Variants in LRP1B observed in about 807,000 individuals in gnomAD.
LRP1B encodes LDL receptor related protein 1B.
Under a neutral mutation model 556.6 loss-of-function variants are expected in LRP1B, and 217 were observed. The ratio of observed to expected loss-of-function variants is 0.39; its 90% CI spans 0.35 to 0.44. The LOEUF is 0.44. LRP1B is among the 20% of genes least tolerant of loss of function. LRP1B has a pLI of 1.00. For missense variants in LRP1B, 5,053 were observed against 5,620.8 expected (o/e 0.90, Z 3.23); for synonymous variants, 2,047 against 1,865.8 (o/e 1.10, Z -2.50).
intron 2 of LRP1B, among the ~76,000 whole-genome samples, chr2:141,781,105 C>T (rs1695237507): frequency 6.6e-6 from 1 of 152,092 alleles, no homozygotes; most frequent in South Asian, 2.1e-4. Flanking sequence ...AAATCTATTT[C>T]TGCCTATTTC....
At chr2:140,725,521 A>C (rs1574285842) in intron 35 of LRP1B, among the ~76,000 whole-genome samples, 1 of 119,188 alleles carries the variant, frequency 8.4e-6, no homozygotes, top group Non-Finnish European at 1.6e-5. Flanking sequence ...AACATCACAC[A>C]CCGGGGCCTG....
intron 14 of LRP1B, among the ~76,000 whole-genome samples, chr2:141,006,047 G>A (rs1415959886): frequency 6.6e-6 from 1 of 151,928 alleles, no homozygotes; most frequent in Non-Finnish European, 1.5e-5. Context: ...CACTAACGAG[G>A]TATACAACAG....
At chr2:141,970,335 G>T (rs932445751) in intron 1 of LRP1B, among the ~76,000 whole-genome samples, 46 of 151,486 alleles carry the variant, frequency 3.0e-4, no homozygotes, top group African/African-American at 1.0e-3. Flanking sequence ...TTTAGATCAA[G>T]AATGTGGTAA....
intron 41 of LRP1B, among the ~76,000 whole-genome samples, chr2:140,650,598 C>G (rs1559031885): frequency 6.6e-6 from 1 of 152,126 alleles, no homozygotes; most frequent in Non-Finnish European, 1.5e-5. Context: ...ATCTGCCTGC[C>G]TTGGCCTCCC....
At chr2:142,036,050 A>C (rs749290969) in intron 1 of LRP1B, among the ~76,000 whole-genome samples, 24 of 151,802 alleles carry the variant, frequency 1.6e-4, no homozygotes, top group Middle Eastern at 3.4e-3. Context: ...CCACATGGAA[A>C]TGTAAATCCA....
intron 3 of LRP1B, among the ~76,000 whole-genome samples, chr2:141,307,111 C>T (rs1332576807): frequency 1.3e-5 from 2 of 151,782 alleles, no homozygotes; most frequent in Non-Finnish European, 2.9e-5. Context: ...TAAATATCTG[C>T]TAGGTCCATT....
At chr2:141,687,299 C>T (rs1691349238) in intron 2 of LRP1B, among the ~76,000 whole-genome samples, 1 of 151,900 alleles carries the variant, frequency 6.6e-6, no homozygotes, top group Admixed American at 6.6e-5. Flanking sequence ...AGGTTATTTA[C>T]TCTTAGTGAA....
chr2:140,790,959 T>A (rs895816512), intron 32 of LRP1B, among the ~76,000 whole-genome samples: 15 of 125,420 alleles, frequency 1.2e-4, no homozygotes, highest in South Asian at 2.6e-4. Context: ...TTTTTTTTTT[T>A]AATTATCTGG....
intron 1 of LRP1B, among the ~76,000 whole-genome samples, chr2:142,045,771 G>A (rs986444403): frequency 2.6e-5 from 4 of 151,878 alleles, no homozygotes; most frequent in Non-Finnish European, 2.9e-5. Flanking sequence ...CAGGTTTTCC[G>A]AGAAGTTCAG....
intron 7 of LRP1B, among the ~76,000 whole-genome samples, chr2:141,173,571 G>C (rs965693737): frequency 1.1e-4 from 17 of 152,064 alleles, no homozygotes; most frequent in African/African-American, 4.1e-4. Flanking sequence ...TCAGACTTAA[G>C]TGATATAGAT....
At chr2:142,098,575 A>G (rs1279413721) in intron 1 of LRP1B, among the ~76,000 whole-genome samples, 1 of 151,886 alleles carries the variant, frequency 6.6e-6, no homozygotes, top group East Asian at 1.9e-4. Context: ...TTCATTGCAA[A>G]ACAAAATATA....
chr2:141,351,401 G>A (rs1023385308), intron 3 of LRP1B, among the ~76,000 whole-genome samples: 6 of 151,728 alleles, frequency 4.0e-5, no homozygotes, highest in Admixed American at 1.3e-4. Context: ...TGTTACTTTC[G>A]TTTTTCTCTT....
At chr2:140,565,053 A>G (rs569266375) in intron 43 of LRP1B, among the ~76,000 whole-genome samples, 1 of 146,442 alleles carries the variant, frequency 6.8e-6, no homozygotes, top group East Asian at 2.1e-4. Flanking sequence ...AAATGGAAGC[A>G]CACTGAGAAA....
intron 41 of LRP1B, among the ~76,000 whole-genome samples, chr2:140,607,779 T>C (rs1682925030): frequency 6.6e-6 from 1 of 152,044 alleles, no homozygotes; most frequent in African/African-American, 2.4e-5. Context: ...AGAAATTTTA[T>C]AGAAAATTTA....
At chr2:141,917,975 AG>A (rs1318617067) in intron 1 of LRP1B, among the ~76,000 whole-genome samples, 2 of 152,158 alleles carry the variant, frequency 1.3e-5, no homozygotes, top group African/African-American at 4.8e-5. Flanking sequence ...AATTCTACCT[AG>A]GCAATATAAA....
chr2:141,370,207 C>A (rs373503794), intron 3 of LRP1B, among the ~76,000 whole-genome samples: 4 of 152,190 alleles, frequency 2.6e-5, no homozygotes, highest in African/African-American at 9.6e-5. Flanking sequence ...AGTTCTATTT[C>A]TTTGAGAAAT....
At chr2:141,165,631 T>C (rs1680219321) in intron 7 of LRP1B, among the ~76,000 whole-genome samples, 1 of 151,930 alleles carries the variant, frequency 6.6e-6, no homozygotes, top group Non-Finnish European at 1.5e-5. Context: ...AACCATATAA[T>C]ATGAAATTGT....
intron 1 of LRP1B, among the ~76,000 whole-genome samples, chr2:141,919,708 A>G (rs1256003783): frequency 6.6e-6 from 1 of 152,032 alleles, no homozygotes; most frequent in Admixed American, 6.6e-5. Context: ...CATTTATTTT[A>G]GCCATGTATA....
intron 3 of LRP1B, among the ~76,000 whole-genome samples, chr2:141,365,821 C>T (rs1466044047): frequency 6.6e-6 from 1 of 151,512 alleles, no homozygotes; most frequent in Non-Finnish European, 1.5e-5. Flanking sequence ...TACAGGCACC[C>T]GCCACTACGC....
Sources: gnomAD v4.1 joint callset for allele counts (sites outside exome capture counted in the v4.1 genomes callset) on GRCh38, gnomAD v4.1.1 for gene constraint, MANE v1.5 for transcripts, NCBI Gene and HGNC (gene_info 2026-07-23, HGNC 2026-07-21) for gene names.